ABAT: variants seen among roughly 807,000 people sequenced by gnomAD.
The protein encoded by ABAT is 4-aminobutyrate aminotransferase, also known as 4-aminobutyrate aminotransferase, mitochondrial.
A neutral mutation model predicts 64.6 loss-of-function variants in ABAT; 45 were observed. The ratio of observed to expected loss-of-function variants is 0.70; its 90% CI spans 0.55 to 0.89. The LOEUF is 0.89. ABAT is among the 40% of genes least tolerant of loss of function. The pLI, the probability that ABAT is intolerant of heterozygous loss-of-function variation, is 0.00. For missense variants in ABAT, 633 were observed against 658.4 expected (o/e 0.96, Z 0.42); for synonymous variants, 297 against 250.5 (o/e 1.19, Z -1.75).
chr16:8,728,835 C>A (rs1230687219), intron 1 of ABAT, among the ~76,000 whole-genome samples: 1 of 152,190 alleles, frequency 6.6e-6, no homozygotes, highest in Non-Finnish European at 1.5e-5. Flanking sequence ...GATCACGCCA[C>A]TGTACTCCAG....
At chr16:8,747,133 G>A (rs1339920255) in intron 3 of ABAT, among the ~76,000 whole-genome samples, 2 of 152,142 alleles carry the variant, frequency 1.3e-5, no homozygotes, top group African/African-American at 2.4e-5. Flanking sequence ...GCCTCCTTCT[G>A]CTGGCCAAAG....
intron 1 of ABAT, among the ~76,000 whole-genome samples, chr16:8,716,966 C>A (rs72768196): frequency 6.6e-6 from 1 of 151,942 alleles, no homozygotes; most frequent in African/African-American, 2.4e-5. Context: ...AGCACACATC[C>A]GAAAAAGAAA....
intron 6 of ABAT, among the ~76,000 whole-genome samples, chr16:8,759,696 G>GGTTT (rs955225679): frequency 6.6e-6 from 1 of 151,898 alleles, no homozygotes; most frequent in South Asian, 2.1e-4. Flanking sequence ...GTTTTTTGTT[G>GGTTT]GTTTGTTTGT....
At chr16:8,774,757 G>C in intron 12 of ABAT, 133 bp from the exon 13 acceptor site, 1 of 1,033,742 alleles carries the variant, frequency 9.7e-7, no homozygotes, top group Non-Finnish European at 1.5e-6. Context: ...AAGAACATGG[G>C]GCTGGTTTGC....
chr16:8,700,495 C>T (rs1351975608), intron 1 of ABAT, among the ~76,000 whole-genome samples: 1 of 152,142 alleles, frequency 6.6e-6, no homozygotes, highest in African/African-American at 2.4e-5. Context: ...ACATCTTCAC[C>T]ATAGATTAGC....
intron 2 of ABAT, chr16:8,736,111 A>C (rs1640999): frequency 1.5e-4 from 59 of 404,940 alleles, no homozygotes; most frequent in Non-Finnish European, 1.9e-4. Context: ...GCAAGAGAGC[A>C]TGTGCAGGGG....
intron 1 of ABAT, among the ~76,000 whole-genome samples, chr16:8,712,049 G>A (rs1026172551): frequency 2.6e-5 from 4 of 151,846 alleles, no homozygotes; most frequent in African/African-American, 9.7e-5. Context: ...TGGCCAACAT[G>A]GTGAAACACC....
intron 5 of ABAT, among the ~76,000 whole-genome samples, chr16:8,750,987 C>T (rs1205071308): frequency 1.5e-5 from 2 of 131,810 alleles, no homozygotes; most frequent in East Asian, 2.2e-4. Context: ...CTTGTTCTGT[C>T]GACCAGGCGG....
intron 15 of ABAT, among the ~76,000 whole-genome samples, chr16:8,779,809 T>C (rs2060380344): frequency 1.3e-5 from 2 of 152,084 alleles, no homozygotes; most frequent in Admixed American, 1.3e-4. Flanking sequence ...AGGAGGTGAG[T>C]TGTAAGTGGA....
At chr16:8,762,528 A>G (rs538512224) in intron 6 of ABAT, among the ~76,000 whole-genome samples, 1 of 152,314 alleles carries the variant, frequency 6.6e-6, no homozygotes, top group African/African-American at 2.4e-5. Flanking sequence ...CTGTACCCTA[A>G]GCCTGTTGAG....
intron 6 of ABAT, among the ~76,000 whole-genome samples, chr16:8,761,049 C>A (rs1468164407): frequency 7.9e-5 from 12 of 151,672 alleles, no homozygotes; most frequent in Admixed American, 7.3e-4. Context: ...GCACTCCAGC[C>A]TGGGTGACAG....
At chr16:8,702,500 G>A (rs1195083064) in intron 1 of ABAT, among the ~76,000 whole-genome samples, 2 of 152,024 alleles carry the variant, frequency 1.3e-5, no homozygotes, top group African/African-American at 2.4e-5. Context: ...TAATCCTCCC[G>A]CCTCGGCCTC....
chr16:8,749,874 T>C (rs1049129123), intron 4 of ABAT, among the ~76,000 whole-genome samples: 5 of 151,984 alleles, frequency 3.3e-5, no homozygotes, highest in Admixed American at 6.6e-5. Context: ...CCACCACGCC[T>C]GGCTAATTTT....
chr16:8,732,017 G>A (rs954514770), intron 1 of ABAT, among the ~76,000 whole-genome samples: 2 of 150,642 alleles, frequency 1.3e-5, no homozygotes, highest in East Asian at 1.9e-4. Context: ...CCACGCCCGG[G>A]TAATTTTTTA....
intron 1 of ABAT, among the ~76,000 whole-genome samples, chr16:8,730,893 A>T (rs1259030524): frequency 1.3e-5 from 2 of 152,080 alleles, no homozygotes; most frequent in Admixed American, 6.6e-5. Context: ...GGCTTCTTTT[A>T]AAAAAAATAG....
At chr16:8,750,673 GA>G in intron 5 of ABAT, 134 bp downstream of exon 5, 2 of 811,450 alleles carry the variant, frequency 2.5e-6, no homozygotes, top group African/African-American at 1.7e-5. Context: ...CCAAGGGTAG[GA>G]AAAAAATAAA....
In ABAT at chr16:8,782,246, C is replaced by T. The variant is rs2060456987; in HGVS notation, c.*816C>T. 1 of 152,452 alleles carries T rather than the reference C, an allele frequency of 6.6e-6. No individual in the cohort carries two copies. The highest frequency in any genetic ancestry group is 2.4e-5 in the African/African-American group (1 of 41,446). The allele number at this position is 152,452 out of a possible 1,614,324, so 9.4% of individuals were successfully genotyped here. On this transcript the variant is annotated 3_prime_UTR_variant, in exon 16 of 16. Coordinates refer to ENST00000268251, the MANE Select transcript of ABAT (RefSeq NM_020686.6). ...TGTAGCCTGAGTGTCCACAGGGACA[C>T]ACGTGAGCCACAGGGCTAGAAGCAC...
intron 1 of ABAT, among the ~76,000 whole-genome samples, chr16:8,708,647 A>C (rs779941907): frequency 2.6e-5 from 4 of 152,214 alleles, no homozygotes; most frequent in Non-Finnish European, 4.4e-5. Context: ...TTCTTTTCTT[A>C]GAGGTTTAAA....
chr16:8,711,971 G>C (rs370307234), intron 1 of ABAT, among the ~76,000 whole-genome samples: 2 of 148,896 alleles, frequency 1.3e-5, no homozygotes, highest in East Asian at 4.1e-4. Flanking sequence ...CAGGTGCGGT[G>C]GCTCATGCCT....
Sources: allele counts gnomAD v4.1 joint callset (sites outside exome capture counted in the v4.1 genomes callset), GRCh38; gene constraint gnomAD v4.1.1; transcripts MANE v1.5; gene names NCBI Gene and HGNC (gene_info 2026-07-23, HGNC 2026-07-21).